Variants in MAP1A observed in about 807,000 individuals in gnomAD.
MAP1A encodes microtubule associated protein 1A, also known as microtubule-associated protein 1A.
Under a neutral mutation model 185.9 loss-of-function variants are expected in MAP1A, and 42 were observed. The ratio of observed to expected loss-of-function variants is 0.23; its 90% CI spans 0.18 to 0.29. MAP1A has a LOEUF of 0.29. MAP1A is among the 10% of genes least tolerant of loss of function. The pLI, the probability that MAP1A is intolerant of heterozygous loss-of-function variation, is 1.00. For synonymous variants in MAP1A, 1,229 were observed against 1,335.9 expected (o/e 0.92, Z 1.74); for missense variants, 2,995 against 3,450.4 (o/e 0.87, Z 3.31).
exon 1 of MAP1A, chr15:43,511,095 A>T: frequency 1.3e-6 from 2 of 1,550,156 alleles, no homozygotes; most frequent in South Asian, 2.4e-5. Flanking sequence ...AACCCCGCGG[A>T]GCTGCTGTGC....
rs1219456928 is a variant in MAP1A at position 43,529,823 on chromosome 15, C to A, written c.8209C>A (p.Leu2737Met). 1 of 1,614,058 alleles carries A rather than the reference C, an allele frequency of 6.2e-7. No individual in the cohort carries two copies. Residue 2737 changes from leucine (L) to methionine (M), a missense_variant, in exon 5 of 6, where the codon CTG (leucine) becomes ATG (methionine). This residue lies in a region of MAP1A where 2,728 missense variants were observed against 2,986.0 expected (regional missense o/e 0.91). Transcript: ENST00000300231. The surrounding 1 kb of genome is among the most constrained non-coding windows in gnomAD (Gnocchi z 4.3). Reference sequence around the variant, plus strand: ...CAATGGCGAGCCAAGCCGGGCTGTGCTGGATGCCCTGCTGGAGGGCAAGGC... The same window carrying A: ...CAATGGCGAGCCAAGCCGGGCTGTGATGGATGCCCTGCTGGAGGGCAAGGC... Reference protein sequence around the residue: ...PANGEPSRAVLDALLEGKAQW... With the variant: ...PANGEPSRAVMDALLEGKAQW...
In MAP1A at chr15:43,529,722, G is replaced by A; in HGVS notation, c.8108G>A (p.Ser2703Asn). The change falls in exon 5 of 6, where the codon AGT becomes AAT. Residue 2703 changes from serine (S) to asparagine (N), a missense_variant. Around this residue, in one of 3 missense-constraint regions of MAP1A, gnomAD observed 2,728 missense variants for 2,986.0 expected, o/e 0.91. Transcript: ENST00000300231. This position sits in a 1 kb window ranked among gnomAD's most constrained non-coding sequence, Gnocchi z 4.3. ...CTCGCCTACATCCCGAATCATTGCA[G>A]TGGCAAGACTGCTGACCTTGACTTC... Reference protein sequence around the residue: ...VDLAYIPNHCSGKTADLDFFR... With the variant: ...VDLAYIPNHCNGKTADLDFFR... The A allele has an allele frequency of 6.2e-7, 1 of 1,613,596 alleles. No individual in the cohort carries two copies. The highest frequency in any genetic ancestry group is 8.5e-7 in the Non-Finnish European group (1 of 1,179,876).
Position 43,525,744 on chromosome 15 carries a change from A to G in MAP1A, c.4271A>G (p.Gln1424Arg). ...GAGCAAAAAGACACAGCCCTAGAAC[A>G]GAAGGACAAGGCCCTGGAACCAAAA... ...DLEQKDTALE[Q>R]KDKALEPKDK... Residue 1424 changes from glutamine to arginine, a missense_variant, in exon 4 of 6, where the codon CAG becomes CGG. Physicochemically the swap from Gln to Arg is conservative, Grantham distance 43. Coordinates refer to ENST00000300231, the MANE Select transcript of MAP1A (RefSeq NM_002373.6). 6.2e-7 allele frequency: 1 copy of G among 1,614,238 alleles called. No individual in the cohort carries two copies. Among genetic ancestry groups the G allele is most frequent in the Non-Finnish European group, 8.5e-7 (1 of 1,180,046 alleles).
Position 43,526,582 on chromosome 15 carries a change from G to C in MAP1A, c.5109G>C (p.Glu1703Asp), listed in dbSNP as rs761808856. Residue 1703 changes from glutamate to aspartate, a missense_variant, in exon 4 of 6, where the codon GAG (glutamate) becomes GAC (aspartate). Transcript: ENST00000300231. This position sits in a 1 kb window ranked among gnomAD's most constrained non-coding sequence, Gnocchi z 4.7. ...CATACTGGAGGGAGCTAAGCTGTGAGCGGAAGGTCTGGTTCCCTCACGAGC... is the reference window on the plus strand; with the variant it reads ...CATACTGGAGGGAGCTAAGCTGTGACCGGAAGGTCTGGTTCCCTCACGAGC... Reference protein sequence around the residue: ...QDTYWRELSCERKVWFPHELD... With the variant: ...QDTYWRELSCDRKVWFPHELD... 5 of 1,614,088 alleles carry C rather than the reference G, an allele frequency of 3.1e-6. No homozygotes were observed. The African/African-American group carries it at 6.7e-5, about 22-fold the overall frequency.
At position 43,526,585 on chromosome 15, in the gene MAP1A, G is replaced by A. The variant is rs772973701; in HGVS notation, c.5112G>A (p.Arg1704=). The stretch of plus-strand genomic sequence containing the variant: ...ACTGGAGGGAGCTAAGCTGTGAGCG[G>A]AAGGTCTGGTTCCCTCACGAGCTGG... The part of the protein sequence containing the change: ...DTYWRELSCE[R]KVWFPHELDG... The change falls in exon 4 of 6, where the codon CGG becomes CGA. Residue 1704 remains arginine (R), a synonymous_variant. Transcript: ENST00000300231. This position sits in a 1 kb window ranked among gnomAD's most constrained non-coding sequence, Gnocchi z 4.7. The A allele has an allele frequency of 2.5e-6, 4 of 1,614,186 alleles. No homozygotes were observed. The highest frequency in any genetic ancestry group is 2.2e-5 in the South Asian group (2 of 91,084).
In MAP1A at chr15:43,528,980, G is replaced by T; in HGVS notation, c.7507G>T (p.Ala2503Ser). The change falls in exon 4 of 6, where the codon GCC (alanine) becomes TCC (serine). Residue 2503 changes from alanine to serine, a missense_variant. Around this residue, in one of 3 missense-constraint regions of MAP1A, gnomAD observed 2,728 missense variants for 2,986.0 expected, o/e 0.91. Coordinates refer to ENST00000300231, the MANE Select transcript of MAP1A (RefSeq NM_002373.6). ...PVTDETPPTS[A>S]SDSGSSQSDS... ...GACTGATGAGACACCCCCTACATCA[G>T]CCAGTGACTCAGGCTCCTCACAGTC... The T allele has an allele frequency of 6.2e-7, 1 of 1,613,546 alleles. No homozygotes were observed. Among genetic ancestry groups the T allele is most frequent in the East Asian group, 2.2e-5 (1 of 44,880 alleles).
chr15:43,525,201 C>T lies in MAP1A; in HGVS notation c.3728C>T (p.Ala1243Val). The change falls in exon 4 of 6, where the codon GCC becomes GTC. Residue 1243 changes from alanine (A) to valine (V), a missense_variant. Physicochemically the swap from Ala to Val is moderately conservative, Grantham distance 64 (BLOSUM62 0). Around this residue, in one of 3 missense-constraint regions of MAP1A, gnomAD observed 2,728 missense variants for 2,986.0 expected, o/e 0.91. Coordinates refer to ENST00000300231, the MANE Select transcript of MAP1A (RefSeq NM_002373.6). ...GKEEMGHLMQ[A>V]EDTSHHTAPM... ...GAAGAAATGGGGCATCTGATGCAGG[C>T]CGAGGATACCTCTCACCACACAGCT... The T allele has an allele frequency of 2.5e-6, 4 of 1,614,110 alleles. No homozygotes were observed. Among genetic ancestry groups the T allele is most frequent in the Non-Finnish European group, 3.4e-6 (4 of 1,180,032 alleles).
At position 43,525,070 on chromosome 15, in the gene MAP1A, G is replaced by A; in HGVS notation, c.3597G>A (p.Leu1199=). The change falls in exon 4 of 6, where the codon CTG becomes CTA. Residue 1199 remains leucine (L), a synonymous_variant. Coordinates refer to ENST00000300231, the MANE Select transcript of MAP1A (RefSeq NM_002373.6). Reference sequence around the variant, plus strand: ...CAGAAGACACCCAGTCACTTTCTCTGTCAGAAGAGAGTCCCAGCAAGGAGA... The same window carrying A: ...CAGAAGACACCCAGTCACTTTCTCTATCAGAAGAGAGTCCCAGCAAGGAGA... ...VSPEDTQSLS[L]SEESPSKETS... is the part of the protein sequence containing the mutation. 1 of 1,614,200 alleles carries A rather than the reference G, an allele frequency of 6.2e-7. No individual in the cohort carries two copies. Among genetic ancestry groups the A allele is most frequent in the Admixed American group, 1.7e-5 (1 of 60,030 alleles).
chr15:43,523,226 C>G lies in MAP1A; in HGVS notation c.1753C>G (p.Gln585Glu), dbSNP rs2079327242. ...ACCACCCTCTGTTCCAGGGCTGGGA[C>G]AAGAAGAACATGTGATGAAGGAGAA... ...GTPPSVPGLG[Q>E]EEHVMKEKEL... is the part of the protein sequence containing the mutation. Residue 585 changes from glutamine to glutamate, a missense_variant, in exon 4 of 6, where the codon CAA becomes GAA. By Grantham distance (29) the Gln-to-Glu change is conservative (BLOSUM62 2). Transcript: ENST00000300231. The G allele has an allele frequency of 6.2e-7, 1 of 1,613,932 alleles. No homozygotes were observed. Among genetic ancestry groups the G allele is most frequent in the African/African-American group, 1.3e-5 (1 of 74,858 alleles).
chr15:43,530,492 C>T lies in MAP1A; in HGVS notation c.*268C>T. On this transcript the variant is annotated 3_prime_UTR_variant, in exon 6 of 6. Coordinates refer to ENST00000300231, the MANE Select transcript of MAP1A (RefSeq NM_002373.6). ...AGCATCTGATGCCTGAGAACCCTCT[C>T]CTAGCACTGTCAAATGCTGGTATTG... 3 of 445,760 alleles carry T rather than the reference C, an allele frequency of 6.7e-6. No individual in the cohort carries two copies. Among genetic ancestry groups the T allele is most frequent in the Non-Finnish European group, 8.1e-6 (2 of 246,864 alleles). The allele number at this position is 445,760 out of a possible 1,614,324, so 27.6% of individuals were successfully genotyped here. A position where few individuals can be genotyped will look rare whatever the true frequency, so the allele number is the denominator to read the frequency against.
chr15:43,523,753 G>A lies in MAP1A; in HGVS notation c.2280G>A (p.Glu760=). The A allele has an allele frequency of 6.2e-7, 1 of 1,614,050 alleles. No homozygotes were observed. Among genetic ancestry groups the A allele is most frequent in the Non-Finnish European group, 8.5e-7 (1 of 1,180,010 alleles). Residue 760 remains glutamate (E), a synonymous_variant, in exon 4 of 6, where the codon GAG becomes GAA. Coordinates refer to ENST00000300231, the MANE Select transcript of MAP1A (RefSeq NM_002373.6). The part of the protein sequence containing the change: ...ISDEEIHDEP[E]ERPAPPRFHT... Reference sequence around the variant, plus strand: ...ATGAGGAGATCCATGATGAGCCGGAGGAGCGCCCAGCTCCACCCAGATTTC... The same window carrying A: ...ATGAGGAGATCCATGATGAGCCGGAAGAGCGCCCAGCTCCACCCAGATTTC...
In MAP1A at chr15:43,521,551, C is replaced by A; in HGVS notation, c.78C>A (p.Pro26=). 1 of 1,614,158 alleles carries A rather than the reference C, an allele frequency of 6.2e-7. No homozygotes were observed. The highest frequency in any genetic ancestry group is 8.5e-7 in the Non-Finnish European group (1 of 1,180,032). ...DVPSPFDLLE[P]PTSGGFLKLS... is the part of the protein sequence containing the mutation. ...CATCCCCATTTGACCTACTAGAGCCCCCCACCTCAGGGGGCTTCCTCAAGC... is the reference window on the plus strand; with the variant it reads ...CATCCCCATTTGACCTACTAGAGCCACCCACCTCAGGGGGCTTCCTCAAGC... The change falls in exon 4 of 6, where the codon CCC becomes CCA. Residue 26 remains proline, a synonymous_variant. Coordinates refer to ENST00000300231, the MANE Select transcript of MAP1A (RefSeq NM_002373.6). This position sits in a 1 kb window ranked among gnomAD's most constrained non-coding sequence, Gnocchi z 4.6.
rs761176236 is a variant in MAP1A at position 43,523,092 on chromosome 15, G to A, written c.1619G>A (p.Arg540His). ...DLTQDFEEMK[R>H]EERALLAEQR... ...ACACAGGACTTTGAGGAGATGAAGC[G>A]TGAGGAGAGGGCTTTGCTGGCTGAA... Residue 540 changes from arginine to histidine, a missense_variant, in exon 4 of 6, where the codon CGT becomes CAT. Arg to His is a conservative substitution (Grantham distance 29). Transcript: ENST00000300231. 6.0e-5 allele frequency: 97 copies of A among 1,614,088 alleles called. No individual in the cohort carries two copies. The highest frequency in any genetic ancestry group is 5.3e-4 in the African/African-American group (40 of 74,922).
chr15:43,512,089 C>A, intron 1 of MAP1A: 1 of 715,660 alleles, frequency 1.4e-6, no homozygotes, highest in Non-Finnish European at 2.6e-6. Context: ...CATATACCCT[C>A]CCTCTCCTTA....
At position 43,530,576 on chromosome 15, in the gene MAP1A, A is replaced by C; in HGVS notation, c.*352A>C. ...CTCCTCCCTCGTAGAGGGAGATTAT[A>C]TCCCCAACTCCAGGGACCTCTTTAT... On this transcript the variant is annotated 3_prime_UTR_variant, in exon 6 of 6. Coordinates refer to ENST00000300231, the MANE Select transcript of MAP1A (RefSeq NM_002373.6). The C allele has an allele frequency of 1.4e-5, 3 of 214,712 alleles. No homozygotes were observed. Among genetic ancestry groups the C allele is most frequent in the Non-Finnish European group, 9.4e-6 (1 of 106,724 alleles). The allele number at this position is 214,712 out of a possible 1,614,324, so 13.3% of individuals were successfully genotyped here. A position where few individuals can be genotyped will look rare whatever the true frequency, so the allele number is the denominator to read the frequency against.
Position 43,529,908 on chromosome 15 carries a change from A to C in MAP1A, c.8256+38A>C, listed in dbSNP as rs1321729331. On this transcript the variant is annotated intron_variant, in intron 5 of 5. Coordinates refer to ENST00000300231, the MANE Select transcript of MAP1A (RefSeq NM_002373.6). This position sits in a 1 kb window ranked among gnomAD's most constrained non-coding sequence, Gnocchi z 4.3. ...GGACACCAAGGAAGTAGTCTGGTCA[A>C]CGCTCACTCAGAGGCAGTAGTGGAA... 6.3e-7 allele frequency: 1 copy of C among 1,597,056 alleles called. No homozygotes were observed. Among genetic ancestry groups the C allele is most frequent in the African/African-American group, 1.3e-5 (1 of 74,602 alleles).
In MAP1A at chr15:43,524,343, A is replaced by C; in HGVS notation, c.2870A>C (p.Gln957Pro). 1.2e-6 allele frequency: 2 copies of C among 1,614,224 alleles called. No individual in the cohort carries two copies. The highest frequency in any genetic ancestry group is 8.5e-7 in the Non-Finnish European group (1 of 1,180,038). Residue 957 changes from glutamine (Q) to proline (P), a missense_variant, in exon 4 of 6, where the codon CAA (glutamine) becomes CCA (proline). Gln to Pro is a moderately conservative substitution (Grantham distance 76, BLOSUM62 -1). Around this residue, in one of 3 missense-constraint regions of MAP1A, gnomAD observed 2,728 missense variants for 2,986.0 expected, o/e 0.91. Coordinates refer to ENST00000300231, the MANE Select transcript of MAP1A (RefSeq NM_002373.6). Reference sequence around the variant, plus strand: ...GAGATGTCTGAGAAACTTTGCAGTCAATATGGAACTCCAGTGTTTAGTGCC... The same window carrying C: ...GAGATGTCTGAGAAACTTTGCAGTCCATATGGAACTCCAGTGTTTAGTGCC... ...NVEMSEKLCSQYGTPVFSAPG... is the reference protein window; with the variant it reads ...NVEMSEKLCSPYGTPVFSAPG...
rs117078346 is a variant in MAP1A, at chr15:43,529,568, G to C, written c.8035+60G>C. 7.1e-3 allele frequency: 11,447 copies of C among 1,604,342 alleles called. 90 individuals are homozygous for C. Among genetic ancestry groups the C allele is most frequent in the Middle Eastern group, 0.029 (172 of 6,030 alleles). ...GTTAGGGCTGGGTGTGGGCTGGTCA[G>C]ACTTCAGGAGTGGGACAGAGGGGAA... On this transcript the variant is annotated intron_variant, in intron 4 of 5. Coordinates refer to ENST00000300231, the MANE Select transcript of MAP1A (RefSeq NM_002373.6). This position sits in a 1 kb window ranked among gnomAD's most constrained non-coding sequence, Gnocchi z 4.3.
rs532198034 is a variant in MAP1A at position 43,518,714 on chromosome 15, C to CG, written c.-375+1014_-375+1015insG. 1.5e-3 allele frequency among the ~76,000 whole-genome samples: 201 copies of CG among 138,498 alleles called. 4 individuals are homozygous for CG. The highest frequency in any genetic ancestry group is 7.4e-3 in the Middle Eastern group (2 of 272). The allele number at this position is 138,498 out of a possible 152,430, so 90.9% of individuals were successfully genotyped here. A position where few individuals can be genotyped will look rare whatever the true frequency, so the allele number is the denominator to read the frequency against. On this transcript the variant is annotated intron_variant, in intron 1 of 5. Coordinates refer to ENST00000300231, the MANE Select transcript of MAP1A (RefSeq NM_002373.6). ...AGCCTCTGCACCGCAGCCCACCCCC[C>CG]CCCGCAACTCCAGCACTGGCTGAGC... is the stretch of plus-strand genomic sequence containing the variant.
Sources: gnomAD v4.1 joint callset for allele counts (sites outside exome capture counted in the v4.1 genomes callset) on GRCh38, gnomAD v4.1.1 for gene constraint, gnomAD v4.1.1 regional missense constraint, Gnocchi (gnomAD v3.1) non-coding constraint, MANE v1.5 for transcripts, NCBI Gene and HGNC (gene_info 2026-07-23, HGNC 2026-07-21) for gene names.